Variants in NEBL observed in about 807,000 individuals in gnomAD.
The protein encoded by NEBL is LIM and SH3 protein 2.
In NEBL, 122 loss-of-function variants were observed where a neutral mutation model predicts 140.2. The ratio of observed to expected loss-of-function variants is 0.87; its 90% confidence interval spans 0.75 to 1.01. The LOEUF is 1.01. Ranked by LOEUF, NEBL falls within the 50% of genes least tolerant of loss-of-function variation. NEBL has a pLI of 0.00. For synonymous variants in NEBL, 436 were observed against 398.9 expected, an observed-to-expected ratio of 1.09 and a Z score of -1.11; for missense variants, 1,365 against 1,231.3, an observed-to-expected ratio of 1.11 and a Z score of -1.62.
At chr10:20,937,468 G>C (rs1007728337) in intron 4 of NEBL, among the ~76,000 whole-genome samples, 5 of 152,176 alleles carry the variant, frequency 3.3e-5, no homozygotes, top group Non-Finnish European at 7.3e-5. Context: ...GTGGAGACAA[G>C]ATGGTCGAAT....
chr10:20,889,058 C>T (rs1564423560), intron 3 of NEBL, among the ~76,000 whole-genome samples: 1 of 152,160 alleles, frequency 6.6e-6, no homozygotes, highest in Admixed American at 6.5e-5. Context: ...AAAATTGTTT[C>T]GCATTAGCAG....
intron 1 of NEBL, among the ~76,000 whole-genome samples, chr10:21,271,922 T>C (rs544660694): frequency 1.3e-5 from 2 of 152,186 alleles, no homozygotes; most frequent in African/African-American, 2.4e-5. Context: ...ATAGTGCATA[T>C]ACATATATCA....
rs35919028 is a variant in NEBL at position 21,234,008 on chromosome 10, GAGATAGAT to G, written n.348+13905_348+13912del. ...TAAGTAGTATAATTTAGGAGATTGTGAGATAGATAGATAGATAGATAGATAGATAGATA... is the reference window on the plus strand; with the variant it reads ...TAAGTAGTATAATTTAGGAGATTGTGAGATAGATAGATAGATAGATAGATA... On this transcript the variant is annotated intron_variant and non_coding_transcript_variant, in intron 3 of 8. Transcript: ENST00000675702. 2.1e-3 allele frequency among the ~76,000 whole-genome samples: 299 copies of G among 139,562 alleles called. 1 individual carries two copies. Among genetic ancestry groups the G allele is most frequent in the Middle Eastern group, 0.019 (5 of 266 alleles). The allele number at this position is 139,562 out of a possible 152,430, so 91.6% of individuals were successfully genotyped here.
intron 4 of NEBL, among the ~76,000 whole-genome samples, chr10:20,902,439 T>C (rs1269147900): frequency 1.3e-5 from 2 of 151,950 alleles, no homozygotes; most frequent in African/African-American, 4.8e-5. Context: ...GTATATTCCA[T>C]ATGTATATTC....
At chr10:20,836,424 C>T (rs746083415) in intron 13 of NEBL, among the ~76,000 whole-genome samples, 4 of 152,022 alleles carry the variant, frequency 2.6e-5, no homozygotes, top group South Asian at 2.1e-4. Context: ...GGTTTCACCA[C>T]GTTGGCCAGG....
intron 1 of NEBL, among the ~76,000 whole-genome samples, chr10:21,281,761 C>T (rs533553301): frequency 4.6e-5 from 7 of 152,036 alleles, no homozygotes; most frequent in African/African-American, 1.7e-4. Flanking sequence ...TGATGCACAT[C>T]CCCCATTTAA....
At position 21,186,969 on chromosome 10, in the gene NEBL, T is replaced by A. The variant is rs74376141; in HGVS notation, n.349-14492A>T. Among the ~76,000 whole-genome samples the A allele has an allele frequency of 4.2e-3, 634 of 150,616 alleles. 4 individuals carry two copies. The highest frequency in any genetic ancestry group is 0.014 in the African/African-American group (586 of 40,742). ...AATCTACAGATTCAGAACCCACAGATACAGAGGGCCAACTCTGTATGTGTG... is the reference window on the plus strand; with the variant it reads ...AATCTACAGATTCAGAACCCACAGAAACAGAGGGCCAACTCTGTATGTGTG... On this transcript the variant is annotated intron_variant and non_coding_transcript_variant, in intron 3 of 8. Coordinates refer to the NEBL transcript ENST00000675702.
intron 3 of NEBL, among the ~76,000 whole-genome samples, chr10:20,981,575 C>T (rs1837045149): frequency 6.6e-6 from 1 of 151,098 alleles, no homozygotes; most frequent in African/African-American, 2.5e-5. Context: ...CTCCTTATCT[C>T]TCCCAAGGCT....
chr10:21,083,209 AAGGCCTATC>A (rs1836468116), intron 2 of NEBL, among the ~76,000 whole-genome samples: 1 of 152,240 alleles, frequency 6.6e-6, no homozygotes, highest in Non-Finnish European at 1.5e-5. Flanking sequence ...ATAAGTTAGG[AAGGCCTATC>A]AGGGAAAATG....
intron 3 of NEBL, among the ~76,000 whole-genome samples, chr10:20,980,764 C>T (rs7901323): frequency 0.16 from 24,887 of 152,154 alleles, 3,507 homozygotes; most frequent in East Asian, 0.38. Flanking sequence ...TCCTGGCTGC[C>T]TTTGTTAACA....
intron 3 of NEBL, among the ~76,000 whole-genome samples, chr10:20,996,582 T>A: frequency 6.6e-6 from 1 of 152,178 alleles, no homozygotes; most frequent in Non-Finnish European, 1.5e-5. Context: ...GGACACATAG[T>A]ATTAAGTGGC....
Position 20,973,783 on chromosome 10 carries a change from A to C in NEBL, c.250-12004T>G, listed in dbSNP as rs377096872. Among the ~76,000 whole-genome samples, 21 of 152,202 alleles carry C rather than the reference A, an allele frequency of 1.4e-4. No individual in the cohort carries two copies. In the East Asian group the frequency reaches 3.9e-3, roughly 28 times the overall value. ...GAACTAGAACCCAAAGTCTGGAGTG[A>C]ATCTTTCTCTCTAGTGAATAAAACT... On this transcript the variant is annotated intron_variant, in intron 3 of 6. Coordinates refer to the NEBL transcript ENST00000417816.
At chr10:20,817,393 C>T (rs1838826935) in intron 21 of NEBL, among the ~76,000 whole-genome samples, 1 of 152,022 alleles carries the variant, frequency 6.6e-6, no homozygotes, top group Non-Finnish European at 1.5e-5. Context: ...AAAAGTCATC[C>T]TGATGAGTCA....
chr10:20,868,822 A>G (rs910119198), intron 6 of NEBL, 57 bp from the exon 7 acceptor site: 62 of 1,175,168 alleles, frequency 5.3e-5, no homozygotes, highest in Admixed American at 4.6e-4. Context: ...GATGAACTAC[A>G]TTGACATTAG....
rs184643827 is a variant in NEBL, at chr10:21,227,670, T to C, written n.348+20251A>G. Among the ~76,000 whole-genome samples, 175 of 86,632 alleles carry C rather than the reference T, an allele frequency of 2.0e-3. 1 individual carries two copies. The highest frequency in any genetic ancestry group is 3.3e-3 in the Non-Finnish European group (145 of 43,880). The allele number at this position is 86,632 out of a possible 152,430, so 56.8% of individuals were successfully genotyped here. On this transcript the variant is annotated intron_variant and non_coding_transcript_variant, in intron 3 of 8. Coordinates refer to the NEBL transcript ENST00000675702. ...ACTTGAAGTTTCTTCTTCTTCTTCT[T>C]CTTCTTCTTCTTCTTCTTCTTCTTC...
intron 4 of NEBL, among the ~76,000 whole-genome samples, chr10:20,922,770 T>G (rs186454254): frequency 0.018 from 2,763 of 152,260 alleles, 40 homozygotes; most frequent in Non-Finnish European, 0.028. Flanking sequence ...AGCCATCCCA[T>G]CCCTTCCGTT....
chr10:21,109,272 A>G (rs568531286), intron 2 of NEBL, among the ~76,000 whole-genome samples: 8 of 152,116 alleles, frequency 5.3e-5, no homozygotes, highest in South Asian at 4.2e-4. Flanking sequence ...GGTTTTTGTC[A>G]TTGGTTCTGT....
At chr10:21,264,996 C>T (rs549349921) in intron 1 of NEBL, among the ~76,000 whole-genome samples, 5 of 151,840 alleles carry the variant, frequency 3.3e-5, no homozygotes, top group Admixed American at 6.6e-5. Context: ...AATCTTAGCC[C>T]GCTGCAACCT....
chr10:20,875,028 T>C (rs960205397), intron 5 of NEBL, among the ~76,000 whole-genome samples: 1 of 152,194 alleles, frequency 6.6e-6, no homozygotes, highest in African/African-American at 2.4e-5. Context: ...CATGAGTCAC[T>C]GCACCCAGCC....
Sources: allele counts gnomAD v4.1 joint callset (sites outside exome capture counted in the v4.1 genomes callset), GRCh38; gene constraint gnomAD v4.1.1; transcripts MANE v1.5; gene names NCBI Gene and HGNC (gene_info 2026-07-23, HGNC 2026-07-21).